Variants in XPO4 observed in about 807,000 individuals in gnomAD.
XPO4 encodes the protein exportin 4, also known as exportin-4.
XPO4 carries 39 observed loss-of-function variants against 143.0 expected under a neutral mutation model. The observed-to-expected ratio is 0.27, with a 90% confidence interval of 0.21 to 0.36. The LOEUF (loss-of-function observed/expected upper bound fraction) is 0.36. Ranked by LOEUF, XPO4 falls within the 10% of genes least tolerant of loss-of-function variation. The pLI, the probability that XPO4 is intolerant of heterozygous loss-of-function variation, is 1.00. For missense variants in XPO4, 907 were observed against 1,348.0 expected, an observed-to-expected ratio of 0.67 and a Z score of 5.12; for synonymous variants, 439 against 474.0, an observed-to-expected ratio of 0.93 and a Z score of 0.96.
At chr13:20,788,682 A>G in intron 19 of XPO4, 66 bp from the exon 20 acceptor site, 4 of 1,414,328 alleles carry the variant, frequency 2.8e-6, no homozygotes, top group Non-Finnish European at 3.8e-6. Flanking sequence ...CATCAATGCA[A>G]TAAAATAAAG....
intron 3 of XPO4, chr13:20,857,706 A>T: frequency 2.2e-6 from 1 of 447,178 alleles, no homozygotes; most frequent in Non-Finnish European, 3.0e-6. Context: ...CAGCCTGGGC[A>T]ACAGAGCGAG....
Position 20,861,877 on chromosome 13 carries a change from C to T in XPO4, c.317+840G>A, listed in dbSNP as rs1413661693. Among the ~76,000 whole-genome samples, 16 of 149,248 alleles carry T rather than the reference C, an allele frequency of 1.1e-4. No individual in the cohort carries two copies. The Admixed American group carries it at 1.1e-3, about 10-fold the overall frequency. On this transcript the variant is annotated intron_variant, in intron 3 of 22. Transcript: ENST00000255305. ...GATCTCGGCTCACTGCAACCTCTGC[C>T]TCCCAGGTTAAAGCAATTCTCTTGC...
intron 2 of XPO4, 160 bp downstream of exon 2, chr13:20,868,436 A>G (rs1386329389): frequency 1.9e-5 from 22 of 1,135,934 alleles, no homozygotes; most frequent in Non-Finnish European, 1.9e-5. Flanking sequence ...GCTTTACAGA[A>G]TATCTTTAAA....
At chr13:20,807,433 G>A (rs1446982192) in intron 13 of XPO4, 24 bp downstream of exon 13, 10 of 1,580,392 alleles carry the variant, frequency 6.3e-6, no homozygotes, top group Non-Finnish European at 8.6e-6. Context: ...AATTACAAGA[G>A]CACAGCTATA....
chr13:20,876,638 G>A (rs998398268), intron 1 of XPO4, among the ~76,000 whole-genome samples: 1 of 152,080 alleles, frequency 6.6e-6, no homozygotes, highest in Non-Finnish European at 1.5e-5. Flanking sequence ...TTAATAAAAA[G>A]CAAAAATTCT....
chr13:20,804,350 A>G (rs373163729), intron 13 of XPO4, among the ~76,000 whole-genome samples: 1 of 143,090 alleles, frequency 7.0e-6, no homozygotes, highest in Non-Finnish European at 1.6e-5. Flanking sequence ...TCTATGGAAT[A>G]GCCATTCTTT....
At chr13:20,811,812 G>A (rs190201817) in intron 9 of XPO4, among the ~76,000 whole-genome samples, 46 of 152,252 alleles carry the variant, frequency 3.0e-4, no homozygotes, top group Non-Finnish European at 5.9e-4. Flanking sequence ...ACAGAAGGAT[G>A]GGGGTGTTGG....
rs969165776 is a variant in XPO4, at chr13:20,834,264, A to G, written c.728-7085T>C. On this transcript the variant is annotated intron_variant, in intron 6 of 22. Coordinates refer to ENST00000255305, the MANE Select transcript of XPO4 (RefSeq NM_022459.5). ...TATAATTCATTAGCATTAATAAGCAAGTTCAGCAAGATTACAGGATACAAG... is the reference window on the plus strand; with the variant it reads ...TATAATTCATTAGCATTAATAAGCAGGTTCAGCAAGATTACAGGATACAAG... Among the ~76,000 whole-genome samples, 4 of 152,228 alleles carry G rather than the reference A, an allele frequency of 2.6e-5. No individual in the cohort carries two copies. In the South Asian group the frequency reaches 8.3e-4, roughly 31 times the overall value.
chr13:20,849,978 C>G (rs545946731), intron 4 of XPO4: 1 of 538,294 alleles, frequency 1.9e-6, no homozygotes, highest in African/African-American at 2.1e-5. Flanking sequence ...TAGTGGCATG[C>G]GCCTGTAGTC....
At chr13:20,833,629 G>C (rs1566594122) in intron 6 of XPO4, among the ~76,000 whole-genome samples, 1 of 152,082 alleles carries the variant, frequency 6.6e-6, no homozygotes, top group Non-Finnish European at 1.5e-5. Context: ...CACAAACCTG[G>C]AGGGCTAACC....
At chr13:20,837,301 C>T (rs1331148280) in intron 6 of XPO4, among the ~76,000 whole-genome samples, 3 of 152,146 alleles carry the variant, frequency 2.0e-5, no homozygotes, top group Non-Finnish European at 2.9e-5. Context: ...TTGTGACAAT[C>T]CAAATTGTCT....
chr13:20,787,096 G>GA (rs779007580), intron 21 of XPO4, 39 bp from the exon 22 acceptor site: 2 of 1,505,106 alleles, frequency 1.3e-6, no homozygotes, highest in African/African-American at 2.8e-5. Context: ...AACATAGGAT[G>GA]ATCATATATC....
intron 18 of XPO4, among the ~76,000 whole-genome samples, chr13:20,794,938 CCTT>C (rs1274760630): frequency 6.6e-6 from 1 of 150,750 alleles, no homozygotes; most frequent in African/African-American, 2.4e-5. Flanking sequence ...AAAGAGTAAA[CCTT>C]CTACACTGTG....
chr13:20,810,257 T>TA (rs972530628), intron 9 of XPO4, among the ~76,000 whole-genome samples: 6 of 151,158 alleles, frequency 4.0e-5, no homozygotes, highest in East Asian at 1.9e-4. Context: ...ATTGTTAAAA[T>TA]AAAAAAAAAT....
intron 1 of XPO4, among the ~76,000 whole-genome samples, chr13:20,881,945 TAAA>T (rs552908061): frequency 6.6e-4 from 100 of 151,474 alleles, no homozygotes; most frequent in Middle Eastern, 3.4e-3. Context: ...CCGTCTCTAC[TAAA>T]AATACAAAAA....
chr13:20,837,824 C>T (rs2059933447), intron 6 of XPO4, among the ~76,000 whole-genome samples: 1 of 152,192 alleles, frequency 6.6e-6, no homozygotes, highest in Admixed American at 6.5e-5. Flanking sequence ...TCTTGTGAGA[C>T]TTATTCACTA....
chr13:20,858,973 C>A (rs551787512), intron 3 of XPO4, among the ~76,000 whole-genome samples: 2 of 151,242 alleles, frequency 1.3e-5, no homozygotes, highest in Admixed American at 1.3e-4. Context: ...ATGTGGAACC[C>A]TACAATCAAC....
intron 2 of XPO4, chr13:20,868,350 G>C (rs1490538828): frequency 2.6e-6 from 1 of 384,272 alleles, no homozygotes; most frequent in African/African-American, 2.1e-5. Context: ...TTCATGTTAT[G>C]GTCAATAATA....
intron 6 of XPO4, among the ~76,000 whole-genome samples, chr13:20,835,640 ACC>A (rs1393541000): frequency 1.3e-5 from 2 of 152,130 alleles, no homozygotes; most frequent in Non-Finnish European, 2.9e-5. Context: ...CTTGGCACAA[ACC>A]CCCATTCCCT....
Sources: gnomAD v4.1 joint callset for allele counts (sites outside exome capture counted in the v4.1 genomes callset) on GRCh38, gnomAD v4.1.1 for gene constraint, MANE v1.5 for transcripts, NCBI Gene and HGNC (gene_info 2026-07-23, HGNC 2026-07-21) for gene names.